The following INSR variants were observed in gnomAD, a reference collection of about 807,000 sequenced individuals.
INSR encodes the protein insulin receptor.
Under a neutral mutation model 142.6 loss-of-function variants are expected in INSR, and 67 were observed. The ratio of observed to expected loss-of-function variants is 0.47; its 90% CI spans 0.39 to 0.58. The LOEUF (loss-of-function observed/expected upper bound fraction) is 0.58, where lower values mean the gene tolerates loss of function less well. Among genes scored for constraint, INSR ranks in the 20% least tolerant of loss-of-function variants. The probability of loss-of-function intolerance (pLI) is 0.00; values close to 1 mark genes in which losing one functional copy is unlikely to be tolerated. For missense variants in INSR, 1,248 were observed against 1,833.2 expected, an observed-to-expected ratio of 0.68 and a Z score of 5.83; for synonymous variants, 756 against 743.1, an observed-to-expected ratio of 1.02 and a Z score of -0.28.
At chr19:7,222,455 G>A (rs756975366) in intron 2 of INSR, among the ~76,000 whole-genome samples, 3 of 151,996 alleles carry the variant, frequency 2.0e-5, no homozygotes, top group Non-Finnish European at 4.4e-5. Context: ...GTTCAGTGGT[G>A]TGACCGTAGC....
intron 12 of INSR, among the ~76,000 whole-genome samples, 174 bp from the exon 13 acceptor site, chr19:7,141,990 G>A (rs1973080592): frequency 6.6e-6 from 1 of 151,984 alleles, no homozygotes; most frequent in Admixed American, 6.6e-5. Flanking sequence ...AAGATTAAAT[G>A]GGTTACTTTC....
At chr19:7,260,953 T>G (rs541484616) in intron 2 of INSR, among the ~76,000 whole-genome samples, 1 of 151,506 alleles carries the variant, frequency 6.6e-6, no homozygotes, top group African/African-American at 2.4e-5. Context: ...AGTGGTGTGA[T>G]CTCAGCTCAC....
At chr19:7,197,979 TG>T (rs1568481050) in intron 2 of INSR, among the ~76,000 whole-genome samples, 4 of 133,038 alleles carry the variant, frequency 3.0e-5, no homozygotes, top group Admixed American at 2.9e-4. Context: ...TGTGTCCCCA[TG>T]GTGGGAGTGT....
chr19:7,200,953 G>T (rs543425324), intron 2 of INSR, among the ~76,000 whole-genome samples: 16 of 151,626 alleles, frequency 1.1e-4, no homozygotes, highest in African/African-American at 3.6e-4. Context: ...TAACCACTCC[G>T]GCTTGCTCCA....
intron 10 of INSR, 22 bp downstream of exon 10, chr19:7,152,704 G>A: frequency 6.2e-7 from 1 of 1,601,954 alleles, no homozygotes; most frequent in Non-Finnish European, 8.5e-7. Flanking sequence ...CCCACTAAGA[G>A]AGCCCAGCGC....
intron 21 of INSR, 45 bp from the exon 22 acceptor site, chr19:7,117,455 C>G: frequency 6.9e-7 from 1 of 1,454,466 alleles, no homozygotes; most frequent in Admixed American, 1.7e-5. Flanking sequence ...GGGGGCCCTG[C>G]CACGCATCCT....
At chr19:7,249,863 G>A (rs1198950066) in intron 2 of INSR, among the ~76,000 whole-genome samples, 2 of 152,016 alleles carry the variant, frequency 1.3e-5, no homozygotes, top group Non-Finnish European at 2.9e-5. Flanking sequence ...GTGGTGGCAG[G>A]TGCCTGTAGT....
At chr19:7,137,960 CTTTTTCTTTTTTT>C (rs1972977323) in intron 13 of INSR, among the ~76,000 whole-genome samples, 2 of 146,876 alleles carry the variant, frequency 1.4e-5, no homozygotes, top group Admixed American at 1.3e-4. Flanking sequence ...CTTCTTTTTT[CTTTTTCTTTTTTT>C]TTTTTTTTGA....
rs536377232 is a variant in INSR at position 7,280,032 on chromosome 19, G to A, written c.101-12136C>T. On this transcript the variant is annotated intron_variant, in intron 1 of 21. Coordinates refer to ENST00000302850, the MANE Select transcript of INSR (RefSeq NM_000208.4). ...TGTAATCCCAGCACTTTGGGAGGCC[G>A]AGGCGGGCGGATCACGAGGTCAAGA... 9.2e-5 allele frequency among the ~76,000 whole-genome samples: 14 copies of A among 151,516 alleles called. No individual in the cohort carries two copies. In the South Asian group the frequency reaches 1.5e-3, roughly 16 times the overall value.
At chr19:7,221,364 ACT>A (rs1205666124) in intron 2 of INSR, among the ~76,000 whole-genome samples, 2 of 140,532 alleles carry the variant, frequency 1.4e-5, no homozygotes, top group African/African-American at 2.7e-5. Flanking sequence ...ATAGAGTGAG[ACT>A]CTGTCAAAAA....
In INSR at chr19:7,166,483, G is replaced by A; in HGVS notation, c.1611-79C>T. 3 of 1,499,666 alleles carry A rather than the reference G, an allele frequency of 2.0e-6. No individual in the cohort carries two copies. Among genetic ancestry groups the A allele is most frequent in the Non-Finnish European group, 2.7e-6 (3 of 1,094,316 alleles). 92.9% of individuals were successfully genotyped at this position (1,499,666 alleles called of 1,614,324 possible). A position where few individuals can be genotyped will look rare whatever the true frequency, so the allele number is the denominator to read the frequency against. ...GTGCCGTGCAGATGAGGCCTGGGAA[G>A]TTACATCCCATAGGGTCACATGTTA... On this transcript the variant is annotated intron_variant, in intron 7 of 21. Transcript: ENST00000302850. This position sits in a 1 kb window ranked among gnomAD's most constrained non-coding sequence, Gnocchi z 4.1.
chr19:7,186,296 G>A (rs914677920), intron 2 of INSR, among the ~76,000 whole-genome samples: 13 of 152,098 alleles, frequency 8.5e-5, no homozygotes, highest in East Asian at 1.9e-4. Flanking sequence ...GGATCCCACC[G>A]GCCAAACTCA....
intron 2 of INSR, among the ~76,000 whole-genome samples, chr19:7,259,009 A>C (rs1249677288): frequency 4.0e-4 from 35 of 88,442 alleles, no homozygotes; most frequent in East Asian, 5.9e-4. Context: ...TCCTTCTTTC[A>C]TTTCTCCTTC....
intron 2 of INSR, among the ~76,000 whole-genome samples, chr19:7,266,874 C>T (rs1290760716): frequency 4.6e-5 from 7 of 151,996 alleles, no homozygotes. Context: ...CTATTATAAG[C>T]AATATCACTT....
chr19:7,129,406 C>A (rs1599878513), intron 14 of INSR, among the ~76,000 whole-genome samples: 2 of 152,292 alleles, frequency 1.3e-5, no homozygotes, highest in East Asian at 3.9e-4. Context: ...CTCACTGGAA[C>A]CTCCTCCTTT....
intron 11 of INSR, among the ~76,000 whole-genome samples, chr19:7,149,837 A>G (rs1204657058): frequency 6.6e-6 from 1 of 151,340 alleles, no homozygotes; most frequent in Non-Finnish European, 1.5e-5. Context: ...AAAAAGAAGA[A>G]GGAAAGAAGG....
In INSR at chr19:7,128,950, G is replaced by T. The variant is rs777349061; in HGVS notation, c.2847C>A (p.Asp949Glu). 6.2e-7 allele frequency: 1 copy of T among 1,605,666 alleles called. No individual in the cohort carries two copies. The highest frequency in any genetic ancestry group is 1.3e-5 in the African/African-American group (1 of 74,868). ...PTYFYVTDYL[D>E]VPSNIAKIII... ...TAATTTTTGCAATATTTGACGGGAC[G>T]TCTACTGAAATAGAATAAGAAAATA... Residue 949 changes from aspartate to glutamate, a missense_variant, in exon 15 of 22, where the codon GAC (aspartate) becomes GAA (glutamate). Asp to Glu is a conservative substitution (Grantham distance 45, BLOSUM62 2). Transcript: ENST00000302850.
At position 7,176,371 on chromosome 19, in the gene INSR, C is replaced by T. The variant is rs143006740; in HGVS notation, c.975-1640G>A. On this transcript the variant is annotated intron_variant, in intron 3 of 21. Coordinates refer to ENST00000302850, the MANE Select transcript of INSR (RefSeq NM_000208.4). ...ATTCCGGCACTTTGGGAGGCCAAGG[C>T]GAGCGGATCACTTCAGGCCAGGAGT... Among the ~76,000 whole-genome samples the T allele has an allele frequency of 1.0e-3, 156 of 152,306 alleles. 2 individuals are homozygous for T. In the East Asian group the frequency reaches 0.028, roughly 27 times the overall value.
At chr19:7,265,771 GA>G (rs955499666) in intron 2 of INSR, among the ~76,000 whole-genome samples, 18 of 150,722 alleles carry the variant, frequency 1.2e-4, no homozygotes, top group South Asian at 2.1e-4. Context: ...AAAATGTAGA[GA>G]AAAAAAACCT....
Sources: gnomAD v4.1 joint callset for allele counts (sites outside exome capture counted in the v4.1 genomes callset) on GRCh38, gnomAD v4.1.1 for gene constraint, Gnocchi (gnomAD v3.1) non-coding constraint, MANE v1.5 for transcripts, NCBI Gene and HGNC (gene_info 2026-07-23, HGNC 2026-07-21) for gene names.